The following PRKN variants were observed in gnomAD, a reference collection of about 807,000 sequenced individuals.
PRKN encodes the protein E3 ubiquitin-protein ligase parkin.
In PRKN, 56 loss-of-function variants were observed where a neutral mutation model predicts 59.5. The ratio of observed to expected loss-of-function variants is 0.94; its 90% CI spans 0.76 to 1.18. The LOEUF is 1.18. PRKN is among the 50% of genes most tolerant of loss of function. PRKN has a pLI of 0.00. For missense variants in PRKN, 657 were observed against 596.4 expected (o/e 1.10, Z -1.06); for synonymous variants, 250 against 222.1 (o/e 1.13, Z -1.12).
intron 6 of PRKN, among the ~76,000 whole-genome samples, chr6:161,874,068 ATATAT>A (rs1403703787): frequency 5.5e-5 from 3 of 55,032 alleles, no homozygotes; most frequent in East Asian, 3.8e-4. Context: ...AATATATAAT[ATATAT>A]TATATGTAAA....
At chr6:162,508,876 C>G (rs1793721689) in intron 1 of PRKN, among the ~76,000 whole-genome samples, 1 of 151,928 alleles carries the variant, frequency 6.6e-6, no homozygotes, top group Non-Finnish European at 1.5e-5. Context: ...AAAAAACAAA[C>G]AAAAAACAAA....
At chr6:162,446,277 A>G (rs1301810488) in intron 1 of PRKN, among the ~76,000 whole-genome samples, 2 of 152,192 alleles carry the variant, frequency 1.3e-5, no homozygotes, top group African/African-American at 4.8e-5. Flanking sequence ...TACTAGTGAG[A>G]ATAGATTTAA....
intron 1 of PRKN, among the ~76,000 whole-genome samples, chr6:162,475,522 C>T (rs180841619): frequency 1.4e-4 from 21 of 152,272 alleles, no homozygotes; most frequent in East Asian, 5.8e-4. Context: ...GTAAGAACCG[C>T]GCAGGTACAT....
intron 4 of PRKN, among the ~76,000 whole-genome samples, chr6:162,058,999 T>C (rs1053459293): frequency 6.7e-6 from 1 of 149,998 alleles, no homozygotes; most frequent in South Asian, 2.1e-4. Context: ...AATAATTAAA[T>C]GCAGGAATTA....
At chr6:162,583,115 G>T (rs1159721130) in intron 1 of PRKN, among the ~76,000 whole-genome samples, 1 of 152,112 alleles carries the variant, frequency 6.6e-6, no homozygotes, top group African/African-American at 2.4e-5. Context: ...CCCTCGCTCA[G>T]GAGGACAGGA....
chr6:162,142,623 A>G (rs1781836997), intron 4 of PRKN, among the ~76,000 whole-genome samples: 1 of 152,176 alleles, frequency 6.6e-6, no homozygotes, highest in Admixed American at 6.5e-5. Context: ...CTTATAATCA[A>G]ATTATTTGAG....
intron 3 of PRKN, among the ~76,000 whole-genome samples, chr6:162,230,362 G>T (rs1363988291): frequency 6.6e-6 from 1 of 152,184 alleles, no homozygotes; most frequent in East Asian, 1.9e-4. Flanking sequence ...CAGCTCCTTG[G>T]CTAGAAGCAA....
chr6:162,305,346 A>G (rs1239332365), intron 2 of PRKN, among the ~76,000 whole-genome samples: 4 of 152,202 alleles, frequency 2.6e-5, no homozygotes, highest in African/African-American at 9.7e-5. Flanking sequence ...GAAGATAAAC[A>G]TGACATGTTT....
chr6:161,870,009 A>G (rs1794279486), intron 6 of PRKN, among the ~76,000 whole-genome samples: 1 of 152,184 alleles, frequency 6.6e-6, no homozygotes, highest in Admixed American at 6.6e-5. Flanking sequence ...TATATTGAGC[A>G]TTTATTATGT....
chr6:162,348,334 C>T (rs926852204), intron 2 of PRKN, among the ~76,000 whole-genome samples: 6 of 152,000 alleles, frequency 3.9e-5, no homozygotes, highest in Non-Finnish European at 8.8e-5. Flanking sequence ...TAACTTAACT[C>T]GGTCCCAGAA....
chr6:161,752,116 T>G (rs1210356796), intron 7 of PRKN, among the ~76,000 whole-genome samples: 2 of 152,178 alleles, frequency 1.3e-5, no homozygotes, highest in Non-Finnish European at 2.9e-5. Context: ...TTTACATTTT[T>G]GAAAAACCCT....
intron 1 of PRKN, among the ~76,000 whole-genome samples, chr6:162,518,901 AC>A (rs1777975267): frequency 6.6e-6 from 1 of 152,180 alleles, no homozygotes; most frequent in Non-Finnish European, 1.5e-5. Flanking sequence ...ATTGTTACTT[AC>A]GTTATTTCAT....
At chr6:161,733,770 G>GAAAAAAAAAA (rs71544915) in intron 7 of PRKN, among the ~76,000 whole-genome samples, 9 of 102,398 alleles carry the variant, frequency 8.8e-5, no homozygotes, top group African/African-American at 3.9e-4. Context: ...CCCAGGGGGT[G>GAAAAAAAAAA]AAAAAAAAAA....
intron 6 of PRKN, among the ~76,000 whole-genome samples, chr6:161,939,278 T>C (rs1337378393): frequency 6.6e-6 from 1 of 151,194 alleles, no homozygotes; most frequent in African/African-American, 2.4e-5. Context: ...AATGGCCGGA[T>C]GTGGTGGTGC....
At chr6:161,754,762 A>G (rs1367684306) in intron 7 of PRKN, among the ~76,000 whole-genome samples, 1 of 152,216 alleles carries the variant, frequency 6.6e-6, no homozygotes, top group African/African-American at 2.4e-5. Flanking sequence ...AATATTCCTC[A>G]TATCTAGCTC....
intron 6 of PRKN, among the ~76,000 whole-genome samples, chr6:161,900,785 TAAA>T (rs1491259135): frequency 7.2e-6 from 1 of 138,476 alleles, no homozygotes; most frequent in Non-Finnish European, 1.5e-5. Context: ...TAATTATATA[TAAA>T]ATATAAATAT....
intron 1 of PRKN, among the ~76,000 whole-genome samples, chr6:162,601,211 A>G (rs1781695926): frequency 6.6e-6 from 1 of 151,660 alleles, no homozygotes; most frequent in African/African-American, 2.4e-5. Flanking sequence ...CGCCAGTCCC[A>G]TCATAGTGGC....
chr6:162,207,241 G>A (rs1231942131), intron 3 of PRKN, among the ~76,000 whole-genome samples: 1 of 151,980 alleles, frequency 6.6e-6, no homozygotes, highest in Non-Finnish European at 1.5e-5. Flanking sequence ...CTTGGTGGCC[G>A]GACCCCTGTA....
At chr6:162,638,780 T>C (rs936699958) in intron 1 of PRKN, among the ~76,000 whole-genome samples, 2 of 133,780 alleles carry the variant, frequency 1.5e-5, no homozygotes, top group Non-Finnish European at 3.1e-5. Context: ...GTTTTGCTCT[T>C]GTTGCCCATG....
Sources: gnomAD v4.1 joint callset for allele counts (sites outside exome capture counted in the v4.1 genomes callset) on GRCh38, gnomAD v4.1.1 for gene constraint, MANE v1.5 for transcripts, NCBI Gene and HGNC (gene_info 2026-07-23, HGNC 2026-07-21) for gene names.